SAMD5: variants seen among roughly 807,000 people sequenced by gnomAD.
SAMD5 encodes sterile alpha motif domain-containing protein 5.
Under a neutral mutation model 11.3 loss-of-function variants are expected in SAMD5, and 13 were observed. The observed-to-expected ratio is 1.15, with a 90% CI of 0.75 to 1.83. The LOEUF is 1.83. Ranked by LOEUF, SAMD5 falls within the 40% of genes most tolerant of loss-of-function variation. The pLI is 0.00. For missense variants in SAMD5, 255 were observed against 239.1 expected (o/e 1.07, Z -0.44); for synonymous variants, 129 against 111.3 (o/e 1.16, Z -1.00).
At chr6:147,509,718 T>C (rs767806923) in intron 1 of SAMD5, among the ~76,000 whole-genome samples, 5 of 152,130 alleles carry the variant, frequency 3.3e-5, no homozygotes, top group African/African-American at 4.8e-5. Flanking sequence ...ACGCCCTCTA[T>C]AGTAGTTTTG....
the SAMD5 span, among the ~76,000 whole-genome samples, chr6:147,868,517 G>A: frequency 6.6e-6 from 1 of 151,858 alleles, no homozygotes; most frequent in Non-Finnish European, 1.5e-5. Flanking sequence ...CATTAAATTG[G>A]CAACTCATGA....
the SAMD5 span, among the ~76,000 whole-genome samples, chr6:147,944,313 G>A: frequency 2.6e-5 from 4 of 152,134 alleles, no homozygotes; most frequent in East Asian, 1.9e-4. Context: ...CCACATGGCC[G>A]GGGAGGCCTC....
the SAMD5 span, among the ~76,000 whole-genome samples, chr6:147,825,400 A>G: frequency 6.6e-6 from 1 of 152,234 alleles, no homozygotes; most frequent in African/African-American, 2.4e-5. Flanking sequence ...ATATTATTAT[A>G]ATGAATGATT....
chr6:147,817,969 C>G, the SAMD5 span, among the ~76,000 whole-genome samples: 2 of 152,176 alleles, frequency 1.3e-5, no homozygotes, highest in Admixed American at 6.5e-5. Flanking sequence ...AAAGAAGACA[C>G]ATTTCAGCGA....
At chr6:147,783,588 G>A in the SAMD5 span, among the ~76,000 whole-genome samples, 9 of 151,964 alleles carry the variant, frequency 5.9e-5, no homozygotes, top group Non-Finnish European at 1.2e-4. Context: ...TAGTAGAGAC[G>A]GGGTTTCACT....
chr6:147,637,040 C>T (rs558451425), intron 1 of SAMD5, among the ~76,000 whole-genome samples: 1 of 152,262 alleles, frequency 6.6e-6, no homozygotes, highest in East Asian at 1.9e-4. Flanking sequence ...GCAGGAGTGG[C>T]AGCAGGCCCC....
intron 1 of SAMD5, chr6:147,660,659 C>G (rs1790635246): frequency 6.6e-6 from 1 of 152,132 alleles, no homozygotes; most frequent in Admixed American, 6.6e-5. Context: ...AGTTCTCAGG[C>G]GATCTGGATC....
At chr6:147,617,952 T>C (rs1047077292) in intron 1 of SAMD5, among the ~76,000 whole-genome samples, 1 of 152,262 alleles carries the variant, frequency 6.6e-6, no homozygotes, top group Non-Finnish European at 1.5e-5. Context: ...TGTCATTATA[T>C]CAATATTCAT....
the SAMD5 span, among the ~76,000 whole-genome samples, chr6:147,775,773 C>T: frequency 6.6e-6 from 1 of 152,260 alleles, no homozygotes; most frequent in East Asian, 1.9e-4. Context: ...AGTTTACCTT[C>T]TCTGGAGCCA....
At chr6:147,533,344 T>G (rs1485390414) in intron 1 of SAMD5, among the ~76,000 whole-genome samples, 1 of 151,304 alleles carries the variant, frequency 6.6e-6, no homozygotes, top group East Asian at 2.0e-4. Flanking sequence ...TGCCTGTAAT[T>G]TCAGCTACTC....
At chr6:147,764,247 G>A in the SAMD5 span, among the ~76,000 whole-genome samples, 1 of 152,082 alleles carries the variant, frequency 6.6e-6, no homozygotes, top group African/African-American at 2.4e-5. Context: ...CTCAGATCAG[G>A]CTTCATACCA....
the SAMD5 span, among the ~76,000 whole-genome samples, chr6:147,821,344 G>A: frequency 6.6e-6 from 1 of 152,198 alleles, no homozygotes. Flanking sequence ...GTAGGCAGCC[G>A]TTAGATGATG....
intron 1 of SAMD5, among the ~76,000 whole-genome samples, chr6:147,611,737 G>A (rs188447823): frequency 1.1e-4 from 16 of 152,246 alleles, no homozygotes; most frequent in African/African-American, 3.6e-4. Flanking sequence ...CTTTAGTTAG[G>A]AGGAACAGAG....
At chr6:147,816,251 G>A in the SAMD5 span, among the ~76,000 whole-genome samples, 23 of 116,658 alleles carry the variant, frequency 2.0e-4, no homozygotes, top group African/African-American at 7.8e-4. Flanking sequence ...TTGCACTCCA[G>A]CTTGGGCAAC....
chr6:147,576,847 A>G, intron 1 of SAMD5, among the ~76,000 whole-genome samples: 1 of 152,242 alleles, frequency 6.6e-6, no homozygotes, highest in African/African-American at 2.4e-5. Context: ...ATGGAATCTA[A>G]TTTTATTACA....
the SAMD5 span, among the ~76,000 whole-genome samples, chr6:147,888,566 T>A: frequency 8.4e-6 from 1 of 119,046 alleles, no homozygotes; most frequent in Non-Finnish European, 1.7e-5. Flanking sequence ...GTATGTAATG[T>A]CCTTTTTCTC....
chr6:147,682,060 C>T (rs1274450585), intron 1 of SAMD5, among the ~76,000 whole-genome samples: 1 of 152,196 alleles, frequency 6.6e-6, no homozygotes, highest in Admixed American at 6.5e-5. Flanking sequence ...CATGTCATCC[C>T]ACTGTGGCAC....
intron 1 of SAMD5, among the ~76,000 whole-genome samples, chr6:147,621,980 G>A (rs1434851681): frequency 6.6e-6 from 1 of 152,322 alleles, no homozygotes; most frequent in African/African-American, 2.4e-5. Context: ...TGTGAAAAGG[G>A]AGGAGGAACA....
chr6:147,877,023 T>C, the SAMD5 span, among the ~76,000 whole-genome samples: 1 of 152,114 alleles, frequency 6.6e-6, no homozygotes, highest in Non-Finnish European at 1.5e-5. Flanking sequence ...AGCAGACCCA[T>C]CATTTAACAG....
Sources: allele counts gnomAD v4.1 joint callset (sites outside exome capture counted in the v4.1 genomes callset), GRCh38; gene constraint gnomAD v4.1.1; transcripts MANE v1.5; gene names NCBI Gene and HGNC (gene_info 2026-07-23, HGNC 2026-07-21).